CRYBB2: variants seen among roughly 807,000 people sequenced by gnomAD.
CRYBB2 encodes crystallin beta B2, also known as beta-crystallin B2.
CRYBB2 carries 12 observed loss-of-function variants against 24.3 expected under a neutral mutation model. The ratio of observed to expected loss-of-function variants is 0.49; its 90% CI spans 0.32 to 0.80. The LOEUF is 0.80. Among genes scored for constraint, CRYBB2 ranks in the 30% least tolerant of loss-of-function variants. CRYBB2 has a pLI of 0.04. For synonymous variants in CRYBB2, 98 were observed against 101.6 expected (o/e 0.96, Z 0.21); for missense variants, 198 against 268.5 (o/e 0.74, Z 1.83).
At chr22:25,212,265 A>T (rs945750578), upstream of CRYBB2, among the ~76,000 whole-genome samples, 1 of 152,228 alleles carries the variant, frequency 6.6e-6, no homozygotes, top group Non-Finnish European at 1.5e-5. Flanking sequence ...ATGGGGGTTT[A>T]TTCTAAAGAC....
chr22:25,222,673 T>A (rs995890602), intron 2 of CRYBB2, among the ~76,000 whole-genome samples: 1 of 152,144 alleles, frequency 6.6e-6, no homozygotes, highest in Non-Finnish European at 1.5e-5. Context: ...TGGGTGAGTT[T>A]GGAAAAAAGC....
chr22:25,213,169 AG>A (rs1935127077), intron 1 of CRYBB2: 1 of 152,196 alleles, frequency 6.6e-6, no homozygotes, highest in South Asian at 2.1e-4. Context: ...AGAGAGTAAA[AG>A]GGCTGTTACA....
At position 25,225,004 on chromosome 22, in the gene CRYBB2, G is replaced by A; in HGVS notation, c.141G>A (p.Glu47=). The change falls in exon 3 of 6, where the codon GAG becomes GAA. Residue 47 remains glutamate (E), a synonymous_variant. Coordinates refer to ENST00000398215, the MANE Select transcript of CRYBB2 (RefSeq NM_000496.3). ...PCPNLKETGV[E]KAGSVLVQAG... Reference sequence around the variant, plus strand: ...CCAACCTGAAGGAAACTGGCGTGGAGAAGGCAGGTTCTGTCCTAGTGCAGG... The same window carrying A: ...CCAACCTGAAGGAAACTGGCGTGGAAAAGGCAGGTTCTGTCCTAGTGCAGG... 1 of 1,612,080 alleles carries A rather than the reference G, an allele frequency of 6.2e-7. No homozygotes were observed. The highest frequency in any genetic ancestry group is 8.5e-7 in the Non-Finnish European group (1 of 1,178,062).
At chr22:25,223,181 T>A (rs1405523151) in intron 2 of CRYBB2, among the ~76,000 whole-genome samples, 2 of 152,142 alleles carry the variant, frequency 1.3e-5, no homozygotes, top group Non-Finnish European at 2.9e-5. Context: ...GCCTGCTACC[T>A]CAGAAACTGC....
intron 1 of CRYBB2, among the ~76,000 whole-genome samples, chr22:25,214,495 G>T (rs1264014104): frequency 1.3e-5 from 2 of 152,176 alleles, no homozygotes; most frequent in Non-Finnish European, 1.5e-5. Flanking sequence ...AAAGAAACAG[G>T]CAGGTTGCTG....
At chr22:25,218,240 C>T (rs926860323), upstream of CRYBB2, among the ~76,000 whole-genome samples, 1 of 145,154 alleles carries the variant, frequency 6.9e-6, no homozygotes, top group African/African-American at 2.6e-5. Context: ...GCCTGGGCGA[C>T]AGAGCGAGAC....
chr22:25,221,181 A>AG (rs1318571493), intron 1 of CRYBB2, among the ~76,000 whole-genome samples: 1 of 152,232 alleles, frequency 6.6e-6, no homozygotes, highest in Non-Finnish European at 1.5e-5. Context: ...TTCTTTGAGT[A>AG]GACCTCGTTT....
chr22:25,218,802 GAAAGAAAGA>G (rs1935259431), upstream of CRYBB2, among the ~76,000 whole-genome samples: 2 of 110,308 alleles, frequency 1.8e-5, 1 homozygote, highest in African/African-American at 7.7e-5. Context: ...AAGAAAGAAA[GAAAGAAAGA>G]AAGAAAGAAA....
chr22:25,228,087 G>A lies in CRYBB2; in HGVS notation c.306+102G>A, dbSNP rs113335345. On this transcript the variant is annotated intron_variant, in intron 4 of 5. Transcript: ENST00000398215. ...AGGTCTGGGGACCAGGAAGGGGCCC[G>A]CCCCTCTAGCACTGTGCCCCTTCTG... 1,777 of 1,549,122 alleles carry A rather than the reference G, an allele frequency of 1.1e-3. 26 individuals carry two copies. In the African/African-American group the frequency reaches 0.019, roughly 17 times the overall value.
Position 25,226,168 on chromosome 22 carries a change from C to CTCTGTG in CRYBB2, c.173+1133_173+1134insCTGTGT, listed in dbSNP as rs1018293238. Among the ~76,000 whole-genome samples the CTCTGTG allele has an allele frequency of 5.8e-3, 859 of 149,152 alleles. 5 individuals are homozygous for CTCTGTG. Among genetic ancestry groups the CTCTGTG allele is most frequent in the Middle Eastern group, 0.017 (5 of 288 alleles). On this transcript the variant is annotated intron_variant, in intron 3 of 5. Transcript: ENST00000398215. ...GATTTTGGTATGAATTTGGATTTCT[C>CTCTGTG]TGTGTGTGTGTGTGTGTGTGTGTGT...
chr22:25,218,128 G>T (rs551815620), upstream of CRYBB2, among the ~76,000 whole-genome samples: 5 of 150,814 alleles, frequency 3.3e-5, no homozygotes, highest in African/African-American at 1.2e-4. Context: ...GCGTGTTGGC[G>T]GGCGCCTGTA....
intron 2 of CRYBB2, among the ~76,000 whole-genome samples, chr22:25,223,761 G>C (rs972347952): frequency 1.1e-4 from 16 of 152,172 alleles, no homozygotes; most frequent in Admixed American, 9.2e-4. Context: ...GTGCTGACCT[G>C]AGCCCATCTT....
chr22:25,223,267 C>T (rs1935352253), intron 2 of CRYBB2, among the ~76,000 whole-genome samples: 1 of 152,188 alleles, frequency 6.6e-6, no homozygotes, highest in African/African-American at 2.4e-5. Flanking sequence ...CTGCATCAGA[C>T]AAGTCTGGGC....
In CRYBB2 at chr22:25,219,894, G is replaced by C. The variant is rs12161077; in HGVS notation, c.-27+228G>C. ...CAGCACAGTGCCTGGCACACAGTGG[G>C]CATTGGGGCAATGTTCTTTATTATT... On this transcript the variant is annotated intron_variant, in intron 1 of 5. Transcript: ENST00000398215. 8.0e-3 allele frequency among the ~76,000 whole-genome samples: 1,225 copies of C among 152,252 alleles called. 19 individuals are homozygous for C. Among genetic ancestry groups the C allele is most frequent in the African/African-American group, 0.028 (1,151 of 41,540 alleles).
chr22:25,216,197 T>C (rs1024403868), upstream of CRYBB2, among the ~76,000 whole-genome samples: 11 of 152,214 alleles, frequency 7.2e-5, no homozygotes, highest in Non-Finnish European at 1.3e-4. Flanking sequence ...CTGACCTGTG[T>C]CCATAAAAGA....
chr22:25,223,915 T>C (rs1935365997), intron 2 of CRYBB2, among the ~76,000 whole-genome samples: 1 of 151,918 alleles, frequency 6.6e-6, no homozygotes, highest in East Asian at 1.9e-4. Context: ...GGTCAGGAGA[T>C]CGAGACCATC....
At chr22:25,212,199 G>T (rs1935114747), upstream of CRYBB2, among the ~76,000 whole-genome samples, 1 of 152,234 alleles carries the variant, frequency 6.6e-6, no homozygotes, top group Non-Finnish European at 1.5e-5. Flanking sequence ...GACACAGGAT[G>T]CTGAAGACAT....
In CRYBB2 at chr22:25,221,501, G is replaced by C. The variant is rs1214249171; in HGVS notation, c.54+18G>C. The stretch of plus-strand genomic sequence containing the variant: ...ACCCCAAGGTGGGTACCTCTCAGAG[G>C]AGGGGGCATGCAATGCTCCTCCCCC... On this transcript the variant is annotated intron_variant, in intron 2 of 5. Coordinates refer to ENST00000398215, the MANE Select transcript of CRYBB2 (RefSeq NM_000496.3). The C allele has an allele frequency of 1.9e-6, 3 of 1,601,108 alleles. No homozygotes were observed. In the South Asian group the frequency reaches 3.3e-5, roughly 18 times the overall value.
upstream of CRYBB2, among the ~76,000 whole-genome samples, chr22:25,218,820 A>AAAAGAAAGAAAGAAAG (rs1569016436): frequency 1.1e-5 from 1 of 91,088 alleles, no homozygotes; most frequent in East Asian, 3.5e-4. Context: ...GAAAGAAAGA[A>AAAAGAAAGAAAGAAAG]AGAAAGAAAG....
Sources: allele counts gnomAD v4.1 joint callset (sites outside exome capture counted in the v4.1 genomes callset), GRCh38; gene constraint gnomAD v4.1.1; transcripts MANE v1.5; gene names NCBI Gene and HGNC (gene_info 2026-07-23, HGNC 2026-07-21).